Variants in ZNF362 observed in about 807,000 individuals in gnomAD.
ZNF362 encodes rotund homolog.
Under a neutral mutation model 42.9 loss-of-function variants are expected in ZNF362, and 11 were observed. The observed-to-expected ratio is 0.26, with a 90% CI of 0.16 to 0.42. The LOEUF (loss-of-function observed/expected upper bound fraction) is 0.42. Among genes scored for constraint, ZNF362 ranks in the 20% least tolerant of loss-of-function variants. The probability of loss-of-function intolerance (pLI) is 1.00; values close to 1 mark genes in which losing one functional copy is unlikely to be tolerated. For missense variants in ZNF362, 362 were observed against 576.2 expected (o/e 0.63, Z 3.81); for synonymous variants, 255 against 257.3 (o/e 0.99, Z 0.09).
the ZNF362 span, chr1:33,165,846 T>C: frequency 7.3e-6 from 2 of 274,024 alleles, no homozygotes; most frequent in East Asian, 1.3e-4. This position sits in a 1 kb window ranked among gnomAD's most constrained non-coding sequence, Gnocchi z 4.0. Flanking sequence ...ACACACTCTC[T>C]GGCTCCCCAC....
chr1:33,193,373 T>C, the ZNF362 span, among the ~76,000 whole-genome samples: 1 of 152,210 alleles, frequency 6.6e-6, no homozygotes, highest in African/African-American at 2.4e-5. Flanking sequence ...ATGGATCTTC[T>C]TGTGAAACTA....
rs748722096 is a variant in ZNF362 at position 33,280,125 on chromosome 1, T to C, written c.351T>C (p.Gly117=). The change falls in exon 5 of 9, where the codon GGT becomes GGC. Residue 117 remains glycine, a splice_region_variant and synonymous_variant. Transcript: ENST00000539719. The surrounding 1 kb of genome is among the most constrained non-coding windows in gnomAD (Gnocchi z 5.6). The stretch of plus-strand genomic sequence containing the variant: ...GCCCCCACCCACCTGTCTTCGCAGG[T>C]CTGGGGCTGTCCACCCGGACCCCGT... ...HARPATSTVT[G]LGLSTRTPSV... is the part of the protein sequence containing the mutation. 6.4e-7 allele frequency: 1 copy of C among 1,567,994 alleles called. No homozygotes were observed. The highest frequency in any genetic ancestry group is 1.7e-5 in the Admixed American group (1 of 57,900).
At chr1:33,292,103 T>A (rs1377296935) in intron 6 of ZNF362, among the ~76,000 whole-genome samples, 1 of 152,214 alleles carries the variant, frequency 6.6e-6, no homozygotes, top group Non-Finnish European at 1.5e-5. Context: ...TCCAACACTA[T>A]GTTGAATAGG....
At chr1:33,137,627 A>T in the ZNF362 span, among the ~76,000 whole-genome samples, 1 of 152,116 alleles carries the variant, frequency 6.6e-6, no homozygotes. Flanking sequence ...CCAACATCAC[A>T]CTTAACCACA....
At chr1:33,248,076 C>A in the ZNF362 span, among the ~76,000 whole-genome samples, 1 of 152,258 alleles carries the variant, frequency 6.6e-6, no homozygotes, top group African/African-American at 2.4e-5. Flanking sequence ...TGAGATCTTT[C>A]TAGATCCTAA....
chr1:33,166,822 A>C, the ZNF362 span, among the ~76,000 whole-genome samples: 2 of 152,228 alleles, frequency 1.3e-5, no homozygotes, highest in African/African-American at 4.8e-5. Flanking sequence ...CTCAGGTTCC[A>C]GTGTGGCTCA....
At chr1:33,238,386 A>T in the ZNF362 span, among the ~76,000 whole-genome samples, 19 of 119,770 alleles carry the variant, frequency 1.6e-4, no homozygotes, top group African/African-American at 4.0e-4. Context: ...TAAAATAAAT[A>T]AAATAAAATA....
chr1:33,189,691 A>ATG, the ZNF362 span, among the ~76,000 whole-genome samples: 27 of 34,002 alleles, frequency 7.9e-4, 2 homozygotes, highest in South Asian at 0.016. Context: ...ATACGTATAT[A>ATG]TATATACACA....
Position 33,279,477 on chromosome 1 carries a change from GT to G in ZNF362, c.350-634del, listed in dbSNP as rs779593225. Among the ~76,000 whole-genome samples, 1,318 of 139,610 alleles carry G rather than the reference GT, an allele frequency of 9.4e-3. 16 individuals carry two copies. Among genetic ancestry groups the G allele is most frequent in the African/African-American group, 0.027 (1,050 of 38,954 alleles). 91.6% of individuals were successfully genotyped at this position (139,610 alleles called of 152,430 possible). On this transcript the variant is annotated intron_variant, in intron 4 of 8. Transcript: ENST00000539719. ...ATCTTTTTCAATGCACAAATTTTTAGTTTTTTTTTTTTTAAAAAAACATAGA... is the reference window on the plus strand; with the variant it reads ...ATCTTTTTCAATGCACAAATTTTTAGTTTTTTTTTTTTAAAAAAACATAGA...
the ZNF362 span, chr1:33,147,438 G>C: frequency 6.2e-7 from 1 of 1,613,912 alleles, no homozygotes; most frequent in Non-Finnish European, 8.5e-7. The surrounding 1 kb of genome is among the most constrained non-coding windows in gnomAD (Gnocchi z 8.1). Flanking sequence ...CGTGCATCAC[G>C]ATGCAGTAGA....
At chr1:33,241,553 A>C in the ZNF362 span, among the ~76,000 whole-genome samples, 1 of 152,172 alleles carries the variant, frequency 6.6e-6, no homozygotes, top group African/African-American at 2.4e-5. Context: ...TTTACACTAA[A>C]ATAAATAAGT....
chr1:33,158,107 C>T, the ZNF362 span: 1 of 648,278 alleles, frequency 1.5e-6, no homozygotes, highest in South Asian at 1.8e-5. Context: ...TGCAGGTGCC[C>T]AGGACAGGTC....
the ZNF362 span, among the ~76,000 whole-genome samples, chr1:33,136,332 T>C: frequency 6.9e-6 from 1 of 145,676 alleles, no homozygotes; most frequent in Non-Finnish European, 1.5e-5. Context: ...CTTTCTTTCC[T>C]TCCTTCCTTC....
At chr1:33,185,650 G>A in the ZNF362 span, among the ~76,000 whole-genome samples, 1 of 152,056 alleles carries the variant, frequency 6.6e-6, no homozygotes, top group African/African-American at 2.4e-5. Context: ...TTTACATTTG[G>A]CAAGTCATTG....
the ZNF362 span, among the ~76,000 whole-genome samples, chr1:33,144,401 G>A: frequency 6.6e-6 from 1 of 152,202 alleles, no homozygotes; most frequent in Non-Finnish European, 1.5e-5. Context: ...GCCTCCCAAA[G>A]TGTTGGGATT....
chr1:33,238,025 A>T, the ZNF362 span, among the ~76,000 whole-genome samples: 6 of 152,100 alleles, frequency 3.9e-5, no homozygotes, highest in East Asian at 3.9e-4. Flanking sequence ...CCTTTTATTT[A>T]AAAAAAATTG....
chr1:33,245,081 G>C, the ZNF362 span, among the ~76,000 whole-genome samples: 1 of 152,194 alleles, frequency 6.6e-6, no homozygotes, highest in African/African-American at 2.4e-5. Context: ...CAGGTGTCAG[G>C]TGGCTCATTT....
At chr1:33,228,996 C>T in the ZNF362 span, among the ~76,000 whole-genome samples, 8 of 152,138 alleles carry the variant, frequency 5.3e-5, no homozygotes, top group East Asian at 5.8e-4. Context: ...GCTGCAAAGC[C>T]TTTGTGATTG....
intron 2 of ZNF362, 66 bp downstream of exon 2, chr1:33,270,678 A>G: frequency 6.3e-7 from 1 of 1,588,362 alleles, no homozygotes; most frequent in Non-Finnish European, 8.6e-7. Context: ...GGATTAAAGC[A>G]TTGTGTTCGT....
Sources: allele counts gnomAD v4.1 joint callset (sites outside exome capture counted in the v4.1 genomes callset), GRCh38; gene constraint gnomAD v4.1.1; non-coding constraint Gnocchi (gnomAD v3.1); transcripts MANE v1.5; gene names NCBI Gene and HGNC (gene_info 2026-07-23, HGNC 2026-07-21).